Variants in ACOD1 observed in about 807,000 individuals in gnomAD.
ACOD1 encodes cis-aconitate decarboxylase.
ACOD1 carries 14 observed loss-of-function variants against 14.2 expected under a neutral mutation model. That is an observed-to-expected ratio of 0.99 (90% CI 0.65 to 1.54). The LOEUF is 1.54. Ranked by LOEUF, ACOD1 falls within the 40% of genes most tolerant of loss-of-function variation. The pLI, the probability that ACOD1 is intolerant of heterozygous loss-of-function variation, is 0.00. For missense variants in ACOD1, 530 were observed against 586.3 expected (o/e 0.90, Z 0.99); for synonymous variants, 182 against 221.7 (o/e 0.82, Z 1.59).
intron 1 of ACOD1, among the ~76,000 whole-genome samples, chr13:76,949,440 G>A (rs2033802272): frequency 6.6e-6 from 1 of 152,178 alleles, no homozygotes; most frequent in Non-Finnish European, 1.5e-5. Flanking sequence ...GCAGCTGTGT[G>A]TTTATTCCCC....
chr13:76,958,010 T>TTTA lies in ACOD1; in HGVS notation c.*25_*26insTTA. ...AGGCTTACCAACATCTAAATGACTTTGCATTTGGGGAGATTCAATGATTTG... is the reference window on the plus strand; with the variant it reads ...AGGCTTACCAACATCTAAATGACTTTTTAGCATTTGGGGAGATTCAATGATTTG... On this transcript the variant is annotated 3_prime_UTR_variant, in exon 5 of 5. Coordinates refer to ENST00000377462, the MANE Select transcript of ACOD1 (RefSeq NM_001258406.2). 6.8e-7 allele frequency: 1 copy of TTTA among 1,475,736 alleles called. No homozygotes were observed. The highest frequency in any genetic ancestry group is 9.0e-7 in the Non-Finnish European group (1 of 1,116,814). The allele number at this position is 1,475,736 out of a possible 1,614,324, so 91.4% of individuals were successfully genotyped here. A position where few individuals can be genotyped will look rare whatever the true frequency, so the allele number is the denominator to read the frequency against.
Position 76,953,669 on chromosome 13 carries a change from G to A in ACOD1, c.244G>A (p.Ala82Thr). The A allele has an allele frequency of 1.3e-6, 2 of 1,546,938 alleles. No individual in the cohort carries two copies. The highest frequency in any genetic ancestry group is 1.7e-6 in the Non-Finnish European group (2 of 1,143,570). ...PDIRLPPTYA[A>T]FVNGVAIHSM... ...CATCAGGCTCCCGCCCACATATGCT[G>A]CTTTTGTGAACGGTGTGGCTGTAAG... The change falls in exon 3 of 5, where the codon GCT becomes ACT. Residue 82 changes from alanine to threonine, a missense_variant. By Grantham distance (58) the Ala-to-Thr change is moderately conservative. Coordinates refer to ENST00000377462, the MANE Select transcript of ACOD1 (RefSeq NM_001258406.2).
Position 76,952,586 on chromosome 13 carries a change from C to T in ACOD1, c.110C>T (p.Thr37Ile), listed in dbSNP as rs1382740466. The change falls in exon 2 of 5, where the codon ACT becomes ATT. Residue 37 changes from threonine (T) to isoleucine (I), a missense_variant. By Grantham distance (89) the Thr-to-Ile change is moderately conservative. Coordinates refer to ENST00000377462, the MANE Select transcript of ACOD1 (RefSeq NM_001258406.2). ...AGGAGCAAGAGGATGATTCTAGACA[C>T]TCTGGGTGCTGGGTTCCTGGGAACC... ...IQRSKRMILD[T>I]LGAGFLGTTT... 2 of 1,550,388 alleles carry T rather than the reference C, an allele frequency of 1.3e-6. No homozygotes were observed. The highest frequency in any genetic ancestry group is 1.4e-5 in the African/African-American group (1 of 73,036).
In ACOD1 at chr13:76,958,093, G is replaced by GA. The variant is rs1887608260; in HGVS notation, c.*109dup. On this transcript the variant is annotated 3_prime_UTR_variant, in exon 5 of 5. Transcript: ENST00000377462. Reference sequence around the variant, plus strand: ...CCCAGGAAAAATGAACAAAGATGGAGAGAGTCCAGAAACAGAACTACATAT... The same window carrying GA: ...CCCAGGAAAAATGAACAAAGATGGAGAAGAGTCCAGAAACAGAACTACATAT... 2 of 1,142,816 alleles carry GA rather than the reference G, an allele frequency of 1.8e-6. No individual in the cohort carries two copies. Among genetic ancestry groups the GA allele is most frequent in the Non-Finnish European group, 2.4e-6 (2 of 836,250 alleles). The allele number at this position is 1,142,816 out of a possible 1,614,324, so 70.8% of individuals were successfully genotyped here. A position where few individuals can be genotyped will look rare whatever the true frequency, so the allele number is the denominator to read the frequency against.
At position 76,957,651 on chromosome 13, in the gene ACOD1, T is replaced by TG; in HGVS notation, c.1114dup (p.Glu372GlyfsTer16). The TG allele has an allele frequency of 6.4e-7, 1 of 1,550,656 alleles. No homozygotes were observed. Among genetic ancestry groups the TG allele is most frequent in the Non-Finnish European group, 8.7e-7 (1 of 1,147,022 alleles). ...AGAGAGCTGCTCAGTAAGGTGGAGC[T>TG]GGAGTACCCTCCGGACAACTTGCCA... On this transcript the variant is annotated frameshift_variant, in exon 5 of 5. Coordinates refer to ENST00000377462, the MANE Select transcript of ACOD1 (RefSeq NM_001258406.2). LOFTEE classifies it low-confidence loss of function (END_TRUNC).
intron 1 of ACOD1, 116 bp from the exon 2 acceptor site, chr13:76,952,373 G>C (rs998170239): frequency 8.7e-6 from 7 of 801,114 alleles, no homozygotes; most frequent in African/African-American, 5.2e-5. Flanking sequence ...TGAGCAACTG[G>C]GTTTCTTGTA....
intron 1 of ACOD1, 122 bp from the exon 2 acceptor site, chr13:76,952,367 C>A: frequency 2.7e-6 from 2 of 749,630 alleles, no homozygotes; most frequent in East Asian, 2.8e-5. Context: ...TAAATCTGAG[C>A]AACTGGGTTT....
chr13:76,949,162 G>A (rs557535781), intron 1 of ACOD1, among the ~76,000 whole-genome samples: 10 of 152,230 alleles, frequency 6.6e-5, no homozygotes, highest in African/African-American at 2.4e-4. Context: ...AGCTACTCGG[G>A]AGGCTGAGGC....
At chr13:76,949,581 G>A (rs896779243) in intron 1 of ACOD1, among the ~76,000 whole-genome samples, 2 of 152,052 alleles carry the variant, frequency 1.3e-5, no homozygotes, top group African/African-American at 2.4e-5. Flanking sequence ...CATATGGATG[G>A]ATGGTGCAAG....
intron 1 of ACOD1, among the ~76,000 whole-genome samples, chr13:76,951,790 G>T (rs2033824359): frequency 6.6e-6 from 1 of 152,116 alleles, no homozygotes; most frequent in African/African-American, 2.4e-5. Context: ...GCTTCCAGAG[G>T]TTCCATTTCT....
In ACOD1 at chr13:76,957,723, G is replaced by C. The variant is rs1289135986; in HGVS notation, c.1184G>C (p.Gly395Ala). ...GAAATAAGTGTCACCCTCAAGGATGGAGCCACCTTCACAGATCGCTCTGAT... is the reference window on the plus strand; with the variant it reads ...GAAATAAGTGTCACCCTCAAGGATGCAGCCACCTTCACAGATCGCTCTGAT... ...YCEISVTLKD[G>A]ATFTDRSDTF... Residue 395 changes from glycine to alanine, a missense_variant, in exon 5 of 5, where the codon GGA becomes GCA. By Grantham distance (60) the Gly-to-Ala change is moderately conservative. Coordinates refer to ENST00000377462, the MANE Select transcript of ACOD1 (RefSeq NM_001258406.2). 5 of 1,550,542 alleles carry C rather than the reference G, an allele frequency of 3.2e-6. No homozygotes were observed. The South Asian group carries it at 4.8e-5, about 15-fold the overall frequency.
At chr13:76,950,080 T>C (rs1020814018) in intron 1 of ACOD1, among the ~76,000 whole-genome samples, 3 of 152,250 alleles carry the variant, frequency 2.0e-5, no homozygotes, top group Non-Finnish European at 2.9e-5. Flanking sequence ...GACATGAGGC[T>C]CTGTAAATGG....
At chr13:76,955,146 A>G (rs113893701) in intron 3 of ACOD1, among the ~76,000 whole-genome samples, 173 bp from the exon 4 acceptor site, 8,370 of 149,174 alleles carry the variant, frequency 0.056, 372 homozygotes, top group Admixed American at 0.12. Context: ...AAAAAAAAAA[A>G]AAAAAAGAAA....
chr13:76,950,032 T>A (rs1188141370), intron 1 of ACOD1, among the ~76,000 whole-genome samples: 2 of 152,134 alleles, frequency 1.3e-5, no homozygotes, highest in African/African-American at 2.4e-5. Flanking sequence ...TAGCCCATCC[T>A]TTTGAAAATG....
intron 4 of ACOD1, 129 bp from the exon 5 acceptor site, chr13:76,956,881 T>C: frequency 9.8e-7 from 1 of 1,016,748 alleles, no homozygotes; most frequent in Middle Eastern, 2.8e-4. Context: ...ATATAGCTAA[T>C]AAAGTAATGG....
Position 76,957,992 on chromosome 13 carries a change from C to G in ACOD1, c.*7C>G. 1 of 1,500,422 alleles carries G rather than the reference C, an allele frequency of 6.7e-7. No homozygotes were observed. Among genetic ancestry groups the G allele is most frequent in the Non-Finnish European group, 8.9e-7 (1 of 1,127,668 alleles). The allele number at this position is 1,500,422 out of a possible 1,614,324, so 92.9% of individuals were successfully genotyped here. ...TATCACAAATCTCTCCTGAGGCTTA[C>G]CAACATCTAAATGACTTTGCATTTG... On this transcript the variant is annotated 3_prime_UTR_variant, in exon 5 of 5. Transcript: ENST00000377462.
intron 4 of ACOD1, among the ~76,000 whole-genome samples, chr13:76,956,769 T>C (rs2033880395): frequency 6.6e-6 from 1 of 152,146 alleles, no homozygotes; most frequent in Non-Finnish European, 1.5e-5. Context: ...CACCTTGGCC[T>C]CCCAAAGTCC....
rs1210931011 is a variant in ACOD1, at chr13:76,958,539, A to G, written c.*554A>G. On this transcript the variant is annotated 3_prime_UTR_variant, in exon 5 of 5. Coordinates refer to ENST00000377462, the MANE Select transcript of ACOD1 (RefSeq NM_001258406.2). ...TCCCTATTTGTCAAGCCGAAGTAAA[A>G]AGCAGTCTGGAAAAATCGCATTTTG... The G allele has an allele frequency of 6.6e-6, 1 of 152,494 alleles. No homozygotes were observed. Among genetic ancestry groups the G allele is most frequent in the Non-Finnish European group, 1.5e-5 (1 of 68,278 alleles). The allele number at this position is 152,494 out of a possible 1,614,324, so 9.4% of individuals were successfully genotyped here.
At chr13:76,948,757 A>AT (rs1405250066) in intron 1 of ACOD1, among the ~76,000 whole-genome samples, 187 bp downstream of exon 1, 1 of 152,208 alleles carries the variant, frequency 6.6e-6, no homozygotes, top group Non-Finnish European at 1.5e-5. Flanking sequence ...GAGATACATG[A>AT]TTCTATTGTA....
Sources: gnomAD v4.1 joint callset for allele counts (sites outside exome capture counted in the v4.1 genomes callset) on GRCh38, gnomAD v4.1.1 for gene constraint, MANE v1.5 for transcripts, NCBI Gene and HGNC (gene_info 2026-07-23, HGNC 2026-07-21) for gene names.